NUMB: variants seen among roughly 807,000 people sequenced by gnomAD.
NUMB encodes the protein protein numb homolog.
A neutral mutation model predicts 59.7 loss-of-function variants in NUMB; 29 were observed. That is an observed-to-expected ratio of 0.49 (90% CI 0.36 to 0.66). NUMB has a LOEUF of 0.66. Among genes scored for constraint, NUMB ranks in the 30% least tolerant of loss-of-function variants. NUMB has a pLI of 0.00. For missense variants in NUMB, 723 were observed against 822.0 expected (o/e 0.88, Z 1.47); for synonymous variants, 288 against 288.2 (o/e 1.00, Z 0.01).
intron 1 of NUMB, among the ~76,000 whole-genome samples, chr14:73,416,146 T>G (rs1897119449): frequency 6.6e-6 from 1 of 152,174 alleles, no homozygotes; most frequent in Non-Finnish European, 1.5e-5. Context: ...AACACCCAGA[T>G]TGTTTACATC....
intron 6 of NUMB, among the ~76,000 whole-genome samples, chr14:73,301,945 T>A (rs1351541948): frequency 6.6e-6 from 1 of 151,906 alleles, no homozygotes; most frequent in Non-Finnish European, 1.5e-5. Context: ...TAGCCAGGTG[T>A]GGGGGCACGT....
chr14:73,308,337 G>A (rs1890580664), intron 6 of NUMB, among the ~76,000 whole-genome samples: 1 of 152,136 alleles, frequency 6.6e-6, no homozygotes, highest in African/African-American at 2.4e-5. Context: ...ATTGAGACTG[G>A]GAAAGACTAG....
intron 5 of NUMB, among the ~76,000 whole-genome samples, chr14:73,321,247 C>T (rs958127430): frequency 3.9e-5 from 6 of 152,074 alleles, no homozygotes; most frequent in Non-Finnish European, 8.8e-5. Context: ...GCCATTTCAC[C>T]ATAAGTTGTG....
intron 4 of NUMB, among the ~76,000 whole-genome samples, chr14:73,351,549 T>A (rs1253769753): frequency 6.6e-6 from 1 of 152,122 alleles, no homozygotes; most frequent in Non-Finnish European, 1.5e-5. Context: ...AAAATGCTTT[T>A]CTAATACCAC....
intron 7 of NUMB, 80 bp downstream of exon 7, chr14:73,297,131 C>T (rs1018302153): frequency 1.3e-5 from 12 of 918,172 alleles, no homozygotes; most frequent in Admixed American, 3.8e-5. Context: ...CGTGCCATTG[C>T]ACTCCAGCCT....
chr14:73,427,089 T>C (rs1233006215), intron 1 of NUMB, among the ~76,000 whole-genome samples: 2 of 152,150 alleles, frequency 1.3e-5, no homozygotes, highest in Non-Finnish European at 2.9e-5. Flanking sequence ...AGTTCCCTTA[T>C]TTATAAAGAA....
intron 2 of NUMB, among the ~76,000 whole-genome samples, chr14:73,370,534 A>G (rs753024007): frequency 7.2e-5 from 11 of 152,152 alleles, no homozygotes; most frequent in Non-Finnish European, 1.3e-4. Context: ...TCTACTAAAA[A>G]TACAAAAATT....
intron 4 of NUMB, among the ~76,000 whole-genome samples, chr14:73,337,333 C>T (rs1476616): frequency 6.6e-6 from 1 of 152,114 alleles, no homozygotes; most frequent in Non-Finnish European, 1.5e-5. Flanking sequence ...AAAACCCAAT[C>T]TCTACTAAAA....
At chr14:73,449,238 T>C (rs765338828) in intron 1 of NUMB, among the ~76,000 whole-genome samples, 11 of 152,020 alleles carry the variant, frequency 7.2e-5, no homozygotes, top group Non-Finnish European at 1.5e-4. Context: ...TGTGTGCAGG[T>C]TATATGTAAA....
In NUMB at chr14:73,279,283, G is replaced by T; in HGVS notation, c.1238C>A (p.Ser413Ter). ...AACACCATCTGTGGCCACCTTACCCGAACATGTGGCTGCAATTTCCTTGTT... is the reference window on the plus strand; with the variant it reads ...AACACCATCTGTGGCCACCTTACCCTAACATGTGGCTGCAATTTCCTTGTT... ...AANKEIAATC[S>*]GTEWGQSSGA... The change falls in exon 12 of 13, where the codon TCG (serine) becomes TAG (stop). Residue 413 changes from serine (S) to a stop codon, truncating the protein, a stop_gained and splice_region_variant. Coordinates refer to ENST00000555238, the MANE Select transcript of NUMB (RefSeq NM_001005743.2). LOFTEE classifies it high-confidence loss of function. 1 of 1,614,074 alleles carries T rather than the reference G, an allele frequency of 6.2e-7. No homozygotes were observed. The highest frequency in any genetic ancestry group is 8.5e-7 in the Non-Finnish European group (1 of 1,179,982).
At chr14:73,453,398 C>G (rs1332590363) in intron 1 of NUMB, among the ~76,000 whole-genome samples, 1 of 152,142 alleles carries the variant, frequency 6.6e-6, no homozygotes. Context: ...TCCCAAAGTG[C>G]TGGGATTACA....
intron 3 of NUMB, among the ~76,000 whole-genome samples, chr14:73,358,340 C>T (rs1292053595): frequency 6.6e-6 from 1 of 152,190 alleles, no homozygotes; most frequent in Non-Finnish European, 1.5e-5. Flanking sequence ...TTGCTTCACA[C>T]CACCTTCAAG....
chr14:73,280,286 G>A (rs576305128), intron 11 of NUMB, among the ~76,000 whole-genome samples: 24 of 152,128 alleles, frequency 1.6e-4, no homozygotes, highest in African/African-American at 5.5e-4. Flanking sequence ...AAAACCCTAC[G>A]AGTCTGGTAT....
chr14:73,416,921 G>A (rs1897148747), intron 1 of NUMB, among the ~76,000 whole-genome samples: 2 of 151,418 alleles, frequency 1.3e-5, no homozygotes, highest in South Asian at 4.2e-4. Flanking sequence ...CCCTTATCCT[G>A]TACCCATTGA....
chr14:73,405,682 G>A (rs1240754739), intron 2 of NUMB, among the ~76,000 whole-genome samples: 5 of 152,100 alleles, frequency 3.3e-5, no homozygotes, highest in Admixed American at 3.3e-4. Context: ...AGAAGAATCT[G>A]GGAATGGAAA....
intron 1 of NUMB, among the ~76,000 whole-genome samples, chr14:73,450,219 A>T (rs1028938861): frequency 1.3e-5 from 2 of 152,256 alleles, no homozygotes; most frequent in African/African-American, 4.8e-5. Context: ...CCTGATGTGG[A>T]GGATAGCATA....
chr14:73,332,407 C>G (rs2139951438), intron 4 of NUMB, among the ~76,000 whole-genome samples: 1 of 152,178 alleles, frequency 6.6e-6, no homozygotes, highest in East Asian at 1.9e-4. Context: ...GCGTACGCCA[C>G]CACACCCAGC....
chr14:73,329,359 G>A (rs999358213), intron 4 of NUMB, among the ~76,000 whole-genome samples: 3 of 152,122 alleles, frequency 2.0e-5, no homozygotes, highest in Admixed American at 6.5e-5. Flanking sequence ...ATTCATTCAG[G>A]TATGGTAACC....
At chr14:73,351,664 T>C (rs1219763638) in intron 4 of NUMB, among the ~76,000 whole-genome samples, 3 of 151,930 alleles carry the variant, frequency 2.0e-5, no homozygotes, top group African/African-American at 7.3e-5. Context: ...CTTAATACCG[T>C]TGAACTGTAC....
Sources: allele counts gnomAD v4.1 joint callset (sites outside exome capture counted in the v4.1 genomes callset), GRCh38; gene constraint gnomAD v4.1.1; transcripts MANE v1.5; gene names NCBI Gene and HGNC (gene_info 2026-07-23, HGNC 2026-07-21).